Variants in BBS12 observed in about 807,000 individuals in gnomAD.
BBS12 encodes Bardet-Biedl syndrome 12, also known as chaperonin-containing T-complex member BBS12.
In BBS12, 5 loss-of-function variants were observed where a neutral mutation model predicts 5.6. The observed-to-expected ratio is 0.89, with a 90% CI of 0.46 to 1.86. BBS12 has a LOEUF of 1.86. Among genes scored for constraint, BBS12 ranks in the 40% most tolerant of loss-of-function variants. The probability of loss-of-function intolerance (pLI) is 0.01; values close to 1 mark genes in which losing one functional copy is unlikely to be tolerated. For missense variants in BBS12, 748 were observed against 830.4 expected (o/e 0.90, Z 1.22); for synonymous variants, 308 against 306.8 (o/e 1.00, Z -0.04).
chr4:122,744,074 TAATA>T lies in BBS12; in HGVS notation c.*51_*54del. On this transcript the variant is annotated 3_prime_UTR_variant, in exon 2 of 2. Coordinates refer to ENST00000314218, the MANE Select transcript of BBS12 (RefSeq NM_152618.3). ...AATAATTTTTCATAATATGTCATGC[TAATA>T]ATAAATATATTGATAGCCAAGTCAT... is the stretch of plus-strand genomic sequence containing the variant. 1.3e-6 allele frequency: 2 copies of T among 1,550,942 alleles called. No individual in the cohort carries two copies. Among genetic ancestry groups the T allele is most frequent in the Non-Finnish European group, 1.8e-6 (2 of 1,124,882 alleles).
chr4:122,722,179 T>G, the BBS12 span, among the ~76,000 whole-genome samples: 1 of 152,218 alleles, frequency 6.6e-6, no homozygotes, highest in African/African-American at 2.4e-5. Flanking sequence ...ACCATTATTA[T>G]GAAAATGTCC....
chr4:122,732,731 C>G lies in BBS12; in HGVS notation c.-164C>G, dbSNP rs541180893. The G allele has an allele frequency of 6.6e-6, 1 of 152,444 alleles. No homozygotes were observed. The highest frequency in any genetic ancestry group is 1.5e-5 in the Non-Finnish European group (1 of 68,188). The allele number at this position is 152,444 out of a possible 1,614,324, so 9.4% of individuals were successfully genotyped here. ...CTTAGCAACTAAGCCCCCGGCTCCT[C>G]CAGAAGCCCCTCTTCGCACATGCGC... On this transcript the variant is annotated 5_prime_UTR_variant, in exon 1 of 2. Coordinates refer to ENST00000314218, the MANE Select transcript of BBS12 (RefSeq NM_152618.3).
chr4:122,711,507 C>A, the BBS12 span, among the ~76,000 whole-genome samples: 2 of 152,172 alleles, frequency 1.3e-5, no homozygotes, highest in Non-Finnish European at 2.9e-5. Context: ...CAAATGGAAC[C>A]TGGCTTTTCT....
At chr4:122,709,037 G>T in the BBS12 span, among the ~76,000 whole-genome samples, 10 of 152,080 alleles carry the variant, frequency 6.6e-5, no homozygotes, top group African/African-American at 1.9e-4. Flanking sequence ...AGATGCAAAC[G>T]ATTTGTTTTA....
At chr4:122,714,722 T>C in the BBS12 span, among the ~76,000 whole-genome samples, 3 of 152,090 alleles carry the variant, frequency 2.0e-5, no homozygotes, top group African/African-American at 7.2e-5. Flanking sequence ...TTGAAATGAA[T>C]GAACTCTAAT....
the BBS12 span, among the ~76,000 whole-genome samples, chr4:122,719,960 A>G: frequency 6.6e-6 from 1 of 152,226 alleles, no homozygotes; most frequent in South Asian, 2.1e-4. Flanking sequence ...ATCCTCTTAT[A>G]TCTTATCCAC....
the BBS12 span, among the ~76,000 whole-genome samples, chr4:122,722,791 C>T: frequency 1.3e-5 from 2 of 152,084 alleles, no homozygotes; most frequent in Non-Finnish European, 1.5e-5. Flanking sequence ...CATCATGTCA[C>T]CTGCAAATAA....
chr4:122,727,285 C>T, the BBS12 span, among the ~76,000 whole-genome samples: 143 of 152,226 alleles, frequency 9.4e-4, no homozygotes, highest in Middle Eastern at 3.4e-3. Context: ...CGCTCTGTCA[C>T]CCAGGCTGGA....
At position 122,742,481 on chromosome 4, in the gene BBS12, T is replaced by C. The variant is rs547411582; in HGVS notation, c.589T>C (p.Tyr197His). 7.4e-6 allele frequency: 12 copies of C among 1,613,916 alleles called. No homozygotes were observed. Among genetic ancestry groups the C allele is most frequent in the Non-Finnish European group, 5.1e-6 (6 of 1,179,970 alleles). ...SNLSGRPLKS[Y>H]ELFKPQTKVE... ...CCTTTCTGGGAGACCTCTTAAATCA[T>C]ATGAATTATTTAAACCTCAGACAAA... The change falls in exon 2 of 2, where the codon TAT becomes CAT. Residue 197 changes from tyrosine to histidine, a missense_variant. By Grantham distance (83) the Tyr-to-His change is moderately conservative. Coordinates refer to ENST00000314218, the MANE Select transcript of BBS12 (RefSeq NM_152618.3).
intron 1 of BBS12, among the ~76,000 whole-genome samples, chr4:122,735,839 A>G (rs1800776312): frequency 6.6e-6 from 1 of 152,212 alleles, no homozygotes; most frequent in African/African-American, 2.4e-5. Context: ...ATCCTATTTT[A>G]TAAGGGAATA....
At chr4:122,728,507 T>G (rs1800655275), upstream of BBS12, 1 of 152,238 alleles carries the variant, frequency 6.6e-6, no homozygotes, top group Non-Finnish European at 1.5e-5. Context: ...AATCTTTGTC[T>G]TTAGGAAGAA....
At chr4:122,722,413 A>T in the BBS12 span, among the ~76,000 whole-genome samples, 3 of 152,306 alleles carry the variant, frequency 2.0e-5, no homozygotes, top group East Asian at 3.9e-4. Flanking sequence ...TAAAATTTAG[A>T]ATCAACTTGT....
chr4:122,708,927 T>C, the BBS12 span, among the ~76,000 whole-genome samples: 1 of 152,174 alleles, frequency 6.6e-6, no homozygotes, highest in Non-Finnish European at 1.5e-5. Context: ...TCAACGGTAT[T>C]AACGAACAAT....
chr4:122,708,506 C>T, the BBS12 span, among the ~76,000 whole-genome samples: 23 of 151,974 alleles, frequency 1.5e-4, no homozygotes, highest in African/African-American at 5.3e-4. Flanking sequence ...TAGCACTGCT[C>T]AACTTTCACC....
At chr4:122,700,937 A>G in the BBS12 span, among the ~76,000 whole-genome samples, 1 of 152,192 alleles carries the variant, frequency 6.6e-6, no homozygotes, top group African/African-American at 2.4e-5. Flanking sequence ...TTGATCTACT[A>G]AGCTTTTAGA....
rs767601166 is a variant in BBS12, at chr4:122,742,228, A to G, written c.336A>G (p.Ile112Met). ...CLHLGVPISI[I>M]VSVMSEGLNF... ...ATCTTGGTGTCCCCATTTCCATAAT[A>G]GTATCAGTAATGTCAGAAGGCTTAA... The change falls in exon 2 of 2, where the codon ATA becomes ATG. Residue 112 changes from isoleucine to methionine, a missense_variant. Physicochemically the swap from Ile to Met is conservative, Grantham distance 10. Transcript: ENST00000314218. 11 of 1,613,778 alleles carry G rather than the reference A, an allele frequency of 6.8e-6. No individual in the cohort carries two copies. Among genetic ancestry groups the G allele is most frequent in the Admixed American group, 5.0e-5 (3 of 60,010 alleles).
the BBS12 span, among the ~76,000 whole-genome samples, chr4:122,702,817 G>A: frequency 5.3e-5 from 8 of 152,302 alleles, no homozygotes; most frequent in Admixed American, 4.6e-4. Flanking sequence ...AAAAGAGGAG[G>A]AGAAAAATGG....
At chr4:122,734,452 GA>G (rs1800756470) in intron 1 of BBS12, among the ~76,000 whole-genome samples, 1 of 152,074 alleles carries the variant, frequency 6.6e-6, no homozygotes, top group Admixed American at 6.5e-5. Context: ...ATTTTTAGTA[GA>G]GACGGAGTTT....
At chr4:122,712,234 A>G in the BBS12 span, among the ~76,000 whole-genome samples, 1 of 152,224 alleles carries the variant, frequency 6.6e-6, no homozygotes. Context: ...TCCTACTGAT[A>G]AGGCTCCTTC....
Sources: gnomAD v4.1 joint callset for allele counts (sites outside exome capture counted in the v4.1 genomes callset) on GRCh38, gnomAD v4.1.1 for gene constraint, MANE v1.5 for transcripts, NCBI Gene and HGNC (gene_info 2026-07-23, HGNC 2026-07-21) for gene names.